Variants in WDR5 observed in about 807,000 individuals in gnomAD.
The protein encoded by WDR5 is WD repeat-containing protein 5.
For synonymous variants in WDR5, 144 were observed against 161.6 expected (o/e 0.89, Z 0.83); for missense variants, 187 against 416.9 (o/e 0.45, Z 4.80).
In WDR5 at chr9:134,140,723, C is replaced by T. The variant is rs1295507736; in HGVS notation, c.102C>T (p.Asn34=). The T allele has an allele frequency of 1.2e-6, 2 of 1,614,230 alleles. No individual in the cohort carries two copies. The highest frequency in any genetic ancestry group is 1.7e-6 in the Non-Finnish European group (2 of 1,180,036). The change falls in exon 3 of 14, where the codon AAC becomes AAT. Residue 34 remains asparagine (N), a synonymous_variant. Transcript: ENST00000358625. ...TQSKPTPVKP[N]YALKFTLAGH... ...TGCAGCCTACACCTGTGAAGCCAAA[C>T]TATGCTCTAAAGTTCACCCTTGCTG...
chr9:134,142,059 C>A, intron 5 of WDR5, 21 bp downstream of exon 5: 1 of 1,611,184 alleles, frequency 6.2e-7, no homozygotes, highest in Non-Finnish European at 8.5e-7. Flanking sequence ...CTCAGTGCTT[C>A]TCTCCAGGGG....
In WDR5 at chr9:134,158,042, T is replaced by TCTTGCCAATCC; in HGVS notation, c.*49_*50insCTTGCCAATCC. On this transcript the variant is annotated 3_prime_UTR_variant, in exon 14 of 14. Transcript: ENST00000358625. ...AGACTGTCGGGAAGTTGACCCGGATTGGCAAGAAACAGGGTGTCTTGGAGG... is the reference window on the plus strand; with the variant it reads ...AGACTGTCGGGAAGTTGACCCGGATTCTTGCCAATCCGGCAAGAAACAGGGTGTCTTGGAGG... 1 of 1,579,836 alleles carries TCTTGCCAATCC rather than the reference T, an allele frequency of 6.3e-7. No individual in the cohort carries two copies. The highest frequency in any genetic ancestry group is 8.7e-7 in the Non-Finnish European group (1 of 1,149,840).
rs117980798 is a variant in WDR5 at position 134,159,316 on chromosome 9, G to C, written c.*1323G>C. The C allele has an allele frequency of 0.016, 2,419 of 152,746 alleles. 32 individuals carry two copies. Among genetic ancestry groups the C allele is most frequent in the Non-Finnish European group, 0.025 (1,715 of 68,418 alleles). The allele number at this position is 152,746 out of a possible 1,614,324, so 9.5% of individuals were successfully genotyped here. A position where few individuals can be genotyped will look rare whatever the true frequency, so the allele number is the denominator to read the frequency against. On this transcript the variant is annotated 3_prime_UTR_variant, in exon 14 of 14. Transcript: ENST00000358625. The surrounding 1 kb of genome is among the most constrained non-coding windows in gnomAD (Gnocchi z 4.3). The stretch of plus-strand genomic sequence containing the variant: ...GTCTGTCCCACGGGGCAGGGCTTTG[G>C]GGCTGTGATGCTCTGGGAAGCCAGC...
chr9:134,147,619 A>G (rs1411138250), intron 7 of WDR5, among the ~76,000 whole-genome samples: 1 of 152,168 alleles, frequency 6.6e-6, no homozygotes, highest in Non-Finnish European at 1.5e-5. Flanking sequence ...CCATCCCCGA[A>G]TCATTAAACC....
intron 8 of WDR5, among the ~76,000 whole-genome samples, chr9:134,150,397 A>G (rs753980846): frequency 1.3e-5 from 2 of 152,228 alleles, no homozygotes; most frequent in Admixed American, 1.3e-4. Context: ...AATATCCAGC[A>G]GCCAACCCTT....
At chr9:134,154,783 C>T (rs1413854916) in intron 10 of WDR5, among the ~76,000 whole-genome samples, 3 of 152,216 alleles carry the variant, frequency 2.0e-5, no homozygotes, top group African/African-American at 7.2e-5. Context: ...TCTGGTTGAG[C>T]AACTGTGGCC....
chr9:134,155,886 C>A, intron 12 of WDR5, 119 bp downstream of exon 12: 1 of 954,590 alleles, frequency 1.0e-6, no homozygotes, highest in Non-Finnish European at 1.6e-6. Context: ...AAATGAATTT[C>A]CATTTCAACC....
In WDR5 at chr9:134,137,673, A is replaced by AC. The variant is rs1831638265; in HGVS notation, c.-59+1473_-59+1474insC. Among the ~76,000 whole-genome samples, 2 of 143,580 alleles carry AC rather than the reference A, an allele frequency of 1.4e-5. 1 individual carries two copies. The highest frequency in any genetic ancestry group is 5.0e-5 in the African/African-American group (2 of 39,626). The allele number at this position is 143,580 out of a possible 152,430, so 94.2% of individuals were successfully genotyped here. On this transcript the variant is annotated intron_variant, in intron 1 of 13. Coordinates refer to ENST00000358625, the MANE Select transcript of WDR5 (RefSeq NM_017588.3). ...GACTCTTTGGACTGTGTCTCAAAAA[A>AC]AAAACAAAAACAAAAAAAAAACACG...
chr9:134,142,841 C>G (rs1208010124), intron 7 of WDR5, 122 bp downstream of exon 7: 2 of 971,292 alleles, frequency 2.1e-6, no homozygotes, highest in Middle Eastern at 2.9e-4. Flanking sequence ...CTGATTCCTG[C>G]TGTCATGCCA....
At chr9:134,144,493 G>A (rs891567179) in intron 7 of WDR5, among the ~76,000 whole-genome samples, 2 of 152,168 alleles carry the variant, frequency 1.3e-5, no homozygotes, top group African/African-American at 2.4e-5. Context: ...CGGTTGATAG[G>A]TAGGATTTTA....
rs189773125 is a variant in WDR5, at chr9:134,139,834, C to T, written c.-44C>T. The T allele has an allele frequency of 8.1e-4, 1,297 of 1,607,662 alleles. 3 individuals carry two copies. Among genetic ancestry groups the T allele is most frequent in the Admixed American group, 2.4e-3 (141 of 59,830 alleles). The stretch of plus-strand genomic sequence containing the variant: ...TCGCTCAACAGACTGCCTCTGTCAC[C>T]GGGTCCCTCCACCCTTGTCTCCTGT... On this transcript the variant is annotated 5_prime_UTR_variant, in exon 2 of 14. Transcript: ENST00000358625.
rs890971401 is a variant in WDR5, at chr9:134,157,284, C to T, written c.905-609C>T. Reference sequence around the variant, plus strand: ...GGGCCTTCCCCTGGGTCCTCGCCGGCGTTCTGGGGTTCTTTGGTTTACGTA... The same window carrying T: ...GGGCCTTCCCCTGGGTCCTCGCCGGTGTTCTGGGGTTCTTTGGTTTACGTA... On this transcript the variant is annotated intron_variant, in intron 13 of 13. Transcript: ENST00000358625. The surrounding 1 kb of genome is among the most constrained non-coding windows in gnomAD (Gnocchi z 5.0). Among the ~76,000 whole-genome samples the T allele has an allele frequency of 2.0e-5, 3 of 152,332 alleles. No individual in the cohort carries two copies. Among genetic ancestry groups the T allele is most frequent in the East Asian group, 3.9e-4 (2 of 5,172 alleles).
chr9:134,149,001 C>T lies in WDR5; in HGVS notation c.584+658C>T, dbSNP rs555208386. Among the ~76,000 whole-genome samples the T allele has an allele frequency of 5.5e-4, 84 of 152,212 alleles. No individual in the cohort carries two copies. The South Asian group carries it at 0.012, about 21-fold the overall frequency. On this transcript the variant is annotated intron_variant, in intron 8 of 13. Coordinates refer to ENST00000358625, the MANE Select transcript of WDR5 (RefSeq NM_017588.3). Reference sequence around the variant, plus strand: ...GGATGTGGGGCGGACACATCATAAGCTGTTCAGATTGGTCACTGGGGAGGA... The same window carrying T: ...GGATGTGGGGCGGACACATCATAAGTTGTTCAGATTGGTCACTGGGGAGGA...
chr9:134,153,747 C>G (rs116591613), intron 9 of WDR5, among the ~76,000 whole-genome samples: 3 of 151,570 alleles, frequency 2.0e-5, no homozygotes, highest in African/African-American at 4.9e-5. Flanking sequence ...GCTTGGGGGT[C>G]GGTGGGGGTC....
chr9:134,142,563 G>A, intron 6 of WDR5, 73 bp from the exon 7 acceptor site: 1 of 1,570,638 alleles, frequency 6.4e-7, no homozygotes, highest in Non-Finnish European at 8.8e-7. Context: ...TGGGCTGATA[G>A]CAGGTCTTAG....
rs1832163318 is a variant in WDR5, at chr9:134,145,812, C to T, written c.529-2476C>T. Among the ~76,000 whole-genome samples, 5 of 152,308 alleles carry T rather than the reference C, an allele frequency of 3.3e-5. No individual in the cohort carries two copies. The South Asian group carries it at 1.0e-3, about 32-fold the overall frequency. ...ACCCGGGACCTGTGTTTTTCCTGCC[C>T]TGGAGCTTCTGCTACTGCTTGTCTG... On this transcript the variant is annotated intron_variant, in intron 7 of 13. Transcript: ENST00000358625.
chr9:134,135,565 A>C (rs552568914), upstream of WDR5: 23 of 152,318 alleles, frequency 1.5e-4, no homozygotes, highest in African/African-American at 5.1e-4. Flanking sequence ...CTGGTCTTCC[A>C]GATGGGCAGG....
Position 134,140,827 on chromosome 9 carries a change from G to A in WDR5, c.190+16G>A. 2 of 1,608,696 alleles carry A rather than the reference G, an allele frequency of 1.2e-6. No homozygotes were observed. Among genetic ancestry groups the A allele is most frequent in the Non-Finnish European group, 1.7e-6 (2 of 1,175,052 alleles). On this transcript the variant is annotated intron_variant, in intron 3 of 13. Transcript: ENST00000358625. ...GCAAGTTCATGTACGTAGCACTGAG[G>A]CCCTTAGCTGCTGGGAGAGGCGGTC...
Position 134,158,831 on chromosome 9 carries a change from CTA to C in WDR5, c.*839_*840del, listed in dbSNP as rs1349740838. The C allele has an allele frequency of 6.7e-6, 1 of 149,080 alleles. No individual in the cohort carries two copies. The highest frequency in any genetic ancestry group is 1.5e-5 in the Non-Finnish European group (1 of 67,810). The allele number at this position is 149,080 out of a possible 1,614,324, so 9.2% of individuals were successfully genotyped here. On this transcript the variant is annotated 3_prime_UTR_variant, in exon 14 of 14. Transcript: ENST00000358625. ...CTGCTCTCTGAAGACGCCTTCCTCTCTAGGTTCATTGTTCAGTGTTGCTGGGG... is the reference window on the plus strand; with the variant it reads ...CTGCTCTCTGAAGACGCCTTCCTCTCGGTTCATTGTTCAGTGTTGCTGGGG...
Sources: allele counts gnomAD v4.1 joint callset (sites outside exome capture counted in the v4.1 genomes callset), GRCh38; gene constraint gnomAD v4.1.1; non-coding constraint Gnocchi (gnomAD v3.1); transcripts MANE v1.5; gene names NCBI Gene and HGNC (gene_info 2026-07-23, HGNC 2026-07-21).